BBX: variants seen among roughly 807,000 people sequenced by gnomAD.
BBX encodes the protein HMG box transcription factor BBX.
Under a neutral mutation model 100.2 loss-of-function variants are expected in BBX, and 30 were observed. The ratio of observed to expected loss-of-function variants is 0.30; its 90% CI spans 0.22 to 0.41. The LOEUF (loss-of-function observed/expected upper bound fraction) is 0.41, where lower values mean the gene tolerates loss of function less well. Among genes scored for constraint, BBX ranks in the 10% least tolerant of loss-of-function variants. The pLI is 1.00. For synonymous variants in BBX, 376 were observed against 388.1 expected (o/e 0.97, Z 0.37); for missense variants, 1,023 against 1,129.8 (o/e 0.91, Z 1.35).
At chr3:107,787,741 A>G (rs556030763) in intron 13 of BBX, among the ~76,000 whole-genome samples, 3 of 152,318 alleles carry the variant, frequency 2.0e-5, no homozygotes, top group African/African-American at 7.2e-5. Context: ...AGTTTTATAT[A>G]GAGTGGTCTG....
intron 2 of BBX, among the ~76,000 whole-genome samples, chr3:107,610,088 G>A (rs956076802): frequency 3.3e-5 from 5 of 151,896 alleles, no homozygotes; most frequent in African/African-American, 1.2e-4. Flanking sequence ...ATTATCATTT[G>A]TTTCAAGAAA....
At chr3:107,633,567 C>A (rs2056676932) in intron 2 of BBX, among the ~76,000 whole-genome samples, 1 of 152,176 alleles carries the variant, frequency 6.6e-6, no homozygotes, top group African/African-American at 2.4e-5. Context: ...TGGTTTCCAG[C>A]TCTCATTTCT....
intron 3 of BBX, among the ~76,000 whole-genome samples, chr3:107,691,664 T>A (rs2060177065): frequency 6.6e-6 from 1 of 152,250 alleles, no homozygotes; most frequent in East Asian, 1.9e-4. Context: ...TTGGCAAATG[T>A]GCAGGCTGAT....
intron 2 of BBX, among the ~76,000 whole-genome samples, chr3:107,644,593 T>C (rs972149049): frequency 4.6e-5 from 7 of 152,318 alleles, no homozygotes; most frequent in African/African-American, 1.7e-4. Context: ...ATTTATTTCA[T>C]CAGTGTTTGG....
chr3:107,568,016 TAA>T (rs943765900), intron 2 of BBX, among the ~76,000 whole-genome samples: 4 of 143,758 alleles, frequency 2.8e-5, no homozygotes, highest in South Asian at 2.2e-4. Context: ...TCAGGTTGAT[TAA>T]AAAAAAAAAA....
At chr3:107,763,016 CTATT>C (rs1256754616) in intron 10 of BBX, among the ~76,000 whole-genome samples, 2 of 152,096 alleles carry the variant, frequency 1.3e-5, no homozygotes, top group East Asian at 1.9e-4. Flanking sequence ...TACCTTCAGA[CTATT>C]TATATACAGT....
In BBX at chr3:107,695,771, G is replaced by T. The variant is rs1244779318; in HGVS notation, c.-9-14681G>T. On this transcript the variant is annotated intron_variant, in intron 3 of 17. Transcript: ENST00000325805. ...ATCCTTGTTGACTTTCTGTCTTGTTGATCTGTCTAATGTTGACAGTGGGGT... is the reference window on the plus strand; with the variant it reads ...ATCCTTGTTGACTTTCTGTCTTGTTTATCTGTCTAATGTTGACAGTGGGGT... 2.0e-5 allele frequency among the ~76,000 whole-genome samples: 3 copies of T among 151,422 alleles called. No homozygotes were observed. The South Asian group carries it at 6.2e-4, about 31-fold the overall frequency.
intron 7 of BBX, among the ~76,000 whole-genome samples, chr3:107,737,900 T>G (rs968105394): frequency 9.1e-5 from 13 of 142,154 alleles, no homozygotes; most frequent in African/African-American, 3.4e-4. Context: ...TTTTTTTTTT[T>G]TTTTTTTTTT....
chr3:107,737,304 CAGAGAGAG>C (rs10575069), intron 7 of BBX, among the ~76,000 whole-genome samples: 16 of 142,630 alleles, frequency 1.1e-4, no homozygotes, highest in East Asian at 2.0e-4. Flanking sequence ...TACATACACA[CAGAGAGAG>C]AGAGAGAGAG....
At chr3:107,760,836 A>G (rs185475114) in intron 10 of BBX, among the ~76,000 whole-genome samples, 2 of 152,342 alleles carry the variant, frequency 1.3e-5, no homozygotes, top group East Asian at 3.9e-4. Context: ...GTTGACCTAT[A>G]TCATATTCTA....
chr3:107,670,432 C>T (rs1559943851), intron 3 of BBX, among the ~76,000 whole-genome samples: 1 of 151,930 alleles, frequency 6.6e-6, no homozygotes, highest in East Asian at 1.9e-4. Context: ...ATTGAATGTT[C>T]CCAGCAGGGA....
chr3:107,759,281 G>T (rs965465464), intron 10 of BBX, among the ~76,000 whole-genome samples: 41 of 152,174 alleles, frequency 2.7e-4, no homozygotes, highest in Non-Finnish European at 4.9e-4. Context: ...AAAGTTCTGG[G>T]ATTTGTTCCA....
intron 2 of BBX, among the ~76,000 whole-genome samples, chr3:107,534,788 C>T (rs970383197): frequency 6.6e-6 from 1 of 152,154 alleles, no homozygotes; most frequent in Non-Finnish European, 1.5e-5. Flanking sequence ...AATTAAGGCA[C>T]CTGTTGTTTT....
At chr3:107,603,886 T>C (rs1486446904) in intron 2 of BBX, among the ~76,000 whole-genome samples, 1 of 152,166 alleles carries the variant, frequency 6.6e-6, no homozygotes, top group African/African-American at 2.4e-5. Flanking sequence ...ATTTGCTTGC[T>C]TAATATAGTA....
chr3:107,675,710 C>T (rs974205600), intron 3 of BBX, among the ~76,000 whole-genome samples: 2 of 152,244 alleles, frequency 1.3e-5, no homozygotes, highest in South Asian at 2.1e-4. Context: ...TATGATATAG[C>T]GGAAAGAGTT....
intron 8 of BBX, among the ~76,000 whole-genome samples, chr3:107,747,237 G>T (rs866062408): frequency 1.4e-4 from 21 of 152,212 alleles, no homozygotes; most frequent in African/African-American, 4.8e-4. Context: ...GAGTGTGTGT[G>T]TGTGTGTGTG....
At chr3:107,552,608 A>G (rs1431219103) in intron 2 of BBX, among the ~76,000 whole-genome samples, 1 of 152,198 alleles carries the variant, frequency 6.6e-6, no homozygotes, top group Non-Finnish European at 1.5e-5. Context: ...ATTGTTACAG[A>G]TAGAAAAGTG....
chr3:107,738,699 G>T (rs2063842465), intron 7 of BBX, among the ~76,000 whole-genome samples: 1 of 152,086 alleles, frequency 6.6e-6, no homozygotes, highest in Non-Finnish European at 1.5e-5. Context: ...CTTAGCTCTG[G>T]CCACTTCTCC....
At chr3:107,791,189 CTACTA>C (rs2068981118) in intron 14 of BBX, 46 bp from the exon 15 acceptor site, 1 of 1,487,176 alleles carries the variant, frequency 6.7e-7, no homozygotes, top group African/African-American at 1.4e-5. Context: ...TATGGGGAAT[CTACTA>C]AGAGTAGAGT....
Sources: allele counts gnomAD v4.1 joint callset (sites outside exome capture counted in the v4.1 genomes callset), GRCh38; gene constraint gnomAD v4.1.1; transcripts MANE v1.5; gene names NCBI Gene and HGNC (gene_info 2026-07-23, HGNC 2026-07-21).